The following PSPC1 variants were observed in gnomAD, a reference collection of about 807,000 sequenced individuals.
PSPC1 encodes paraspeckle component 1.
A neutral mutation model predicts 51.6 loss-of-function variants in PSPC1; 14 were observed. The observed-to-expected ratio is 0.27, with a 90% confidence interval of 0.18 to 0.42. The LOEUF (loss-of-function observed/expected upper bound fraction) is 0.42. PSPC1 is among the 10% of genes least tolerant of loss of function. The pLI is 1.00. For synonymous variants in PSPC1, 193 were observed against 231.9 expected, an observed-to-expected ratio of 0.83 and a Z score of 1.53; for missense variants, 406 against 701.1, an observed-to-expected ratio of 0.58 and a Z score of 4.75.
chr13:19,689,108 A>G lies in PSPC1; in HGVS notation c.1159-11285T>C, dbSNP rs563356520. On this transcript the variant is annotated intron_variant and NMD_transcript_variant, in intron 6 of 7. Coordinates refer to the PSPC1 transcript ENST00000471658. ...TAGTCAACTGTCGACATGAGCTGTC[A>G]GGTGTTCAATTAATGATAATCCAGC... Among the ~76,000 whole-genome samples, 4 of 152,322 alleles carry G rather than the reference A, an allele frequency of 2.6e-5. No individual in the cohort carries two copies. The East Asian group carries it at 5.8e-4, about 22-fold the overall frequency.
intron 4 of PSPC1, among the ~76,000 whole-genome samples, chr13:19,749,526 CAAA>C (rs777351117): frequency 6.1e-5 from 6 of 98,332 alleles, no homozygotes; most frequent in Non-Finnish European, 1.1e-4. Context: ...GATTCTGTCT[CAAA>C]AAAAAAAAAA....
At chr13:19,705,986 T>TA (rs1880604706) in intron 7 of PSPC1, among the ~76,000 whole-genome samples, 155 bp from the exon 8 acceptor site, 1 of 152,198 alleles carries the variant, frequency 6.6e-6, no homozygotes, top group South Asian at 2.1e-4. Context: ...TGTAATAGGG[T>TA]ATTACCTACA....
intron 6 of PSPC1, among the ~76,000 whole-genome samples, chr13:19,728,099 T>G (rs947053253): frequency 1.1e-4 from 16 of 152,132 alleles, no homozygotes; most frequent in African/African-American, 3.6e-4. Flanking sequence ...TATATTCCCA[T>G]GTGTCATAAA....
chr13:19,728,514 CA>C, intron 6 of PSPC1, among the ~76,000 whole-genome samples: 1 of 150,716 alleles, frequency 6.6e-6, no homozygotes, highest in South Asian at 2.1e-4. Context: ...CAATTTTCTC[CA>C]AAGACAGTTT....
chr13:19,700,668 CA>C (rs1434519490), downstream of PSPC1, among the ~76,000 whole-genome samples: 1 of 151,954 alleles, frequency 6.6e-6, no homozygotes, highest in Non-Finnish European at 1.5e-5. Flanking sequence ...TTACAAGTAG[CA>C]CATGAAACAT....
At chr13:19,682,890 C>A (rs187836450) in intron 6 of PSPC1, among the ~76,000 whole-genome samples, 2 of 151,422 alleles carry the variant, frequency 1.3e-5, no homozygotes, top group Admixed American at 6.6e-5. Context: ...AGTGAGAGAC[C>A]CTGTCTCTCA....
At chr13:19,776,602 G>A (rs1889151693) in intron 1 of PSPC1, among the ~76,000 whole-genome samples, 2 of 151,830 alleles carry the variant, frequency 1.3e-5, no homozygotes, top group South Asian at 2.1e-4. Context: ...CCGCCTCCTG[G>A]GTTCACGCCA....
At chr13:19,729,356 G>A (rs1883755004) in intron 6 of PSPC1, among the ~76,000 whole-genome samples, 1 of 151,984 alleles carries the variant, frequency 6.6e-6, no homozygotes. Flanking sequence ...GGCCAATATA[G>A]TGAAACCCCG....
chr13:19,678,167 C>G (rs1452682792), intron 6 of PSPC1: 1 of 236,314 alleles, frequency 4.2e-6, no homozygotes, highest in Non-Finnish European at 8.4e-6. Context: ...CCCTCTTGTA[C>G]AGATTGTTGA....
chr13:19,699,961 CTTCA>C (rs1365176119), downstream of PSPC1, among the ~76,000 whole-genome samples: 1 of 151,978 alleles, frequency 6.6e-6, no homozygotes, highest in Non-Finnish European at 1.5e-5. Context: ...CAGGAACTTC[CTTCA>C]TTTTTTCAAA....
intron 8 of PSPC1, among the ~76,000 whole-genome samples, chr13:19,705,430 T>C (rs1402408697): frequency 2.6e-5 from 4 of 151,978 alleles, no homozygotes; most frequent in Non-Finnish European, 4.4e-5. Flanking sequence ...AAGGTGGAGG[T>C]TGCAGCAAGC....
At chr13:19,673,298 C>CATTA (rs1303724353), downstream of PSPC1, 5 of 355,828 alleles carry the variant, frequency 1.4e-5, no homozygotes, top group African/African-American at 1.1e-4. Context: ...TTTTGTTCCT[C>CATTA]ATTAGTTTAT....
At chr13:19,775,165 C>T (rs931592759) in intron 1 of PSPC1, among the ~76,000 whole-genome samples, 35 of 151,916 alleles carry the variant, frequency 2.3e-4, no homozygotes, top group Admixed American at 5.9e-4. Context: ...AGTGAAACCC[C>T]GTCTCTACTA....
chr13:19,720,593 T>G (rs1322166633), intron 6 of PSPC1, among the ~76,000 whole-genome samples: 1 of 152,208 alleles, frequency 6.6e-6, no homozygotes, highest in Non-Finnish European at 1.5e-5. Context: ...ATAGTCATTT[T>G]TTACACATTT....
chr13:19,730,572 A>G (rs1435186065), intron 5 of PSPC1, among the ~76,000 whole-genome samples: 2 of 152,200 alleles, frequency 1.3e-5, no homozygotes, highest in South Asian at 2.1e-4. Context: ...CCAGAAAAAC[A>G]AAGTAAAATC....
intron 2 of PSPC1, among the ~76,000 whole-genome samples, chr13:19,766,155 T>C (rs1230571627): frequency 6.6e-6 from 1 of 152,018 alleles, no homozygotes; most frequent in Admixed American, 6.6e-5. Context: ...GGCGGATGAC[T>C]TATGGTCAGG....
intron 7 of PSPC1, chr13:19,675,992 A>T (rs1362932499): frequency 1.3e-5 from 2 of 152,252 alleles, no homozygotes; most frequent in African/African-American, 4.8e-5. Flanking sequence ...GAGTTACTTT[A>T]ACTGAAGTAA....
intron 6 of PSPC1, among the ~76,000 whole-genome samples, chr13:19,727,148 T>A (rs1264709290): frequency 6.6e-6 from 1 of 152,172 alleles, no homozygotes; most frequent in Non-Finnish European, 1.5e-5. Flanking sequence ...AATCCCAGCA[T>A]TTTGGGAAGC....
intron 3 of PSPC1, among the ~76,000 whole-genome samples, chr13:19,758,406 G>C (rs889228501): frequency 6.6e-6 from 1 of 151,792 alleles, no homozygotes; most frequent in Non-Finnish European, 1.5e-5. Context: ...TTTTGAAAAT[G>C]AGCTATTTTT....
Sources: allele counts gnomAD v4.1 joint callset (sites outside exome capture counted in the v4.1 genomes callset), GRCh38; gene constraint gnomAD v4.1.1; transcripts MANE v1.5; gene names NCBI Gene and HGNC (gene_info 2026-07-23, HGNC 2026-07-21).